STAG1: variants seen among roughly 807,000 people sequenced by gnomAD.
STAG1 encodes cohesin subunit SA-1.
Under a neutral mutation model 170.9 loss-of-function variants are expected in STAG1, and 26 were observed. The ratio of observed to expected loss-of-function variants is 0.15; its 90% CI spans 0.11 to 0.21. The LOEUF (loss-of-function observed/expected upper bound fraction) is 0.21, where lower values mean the gene tolerates loss of function less well. Among genes scored for constraint, STAG1 ranks in the 10% least tolerant of loss-of-function variants. The probability of loss-of-function intolerance (pLI) is 1.00; values close to 1 mark genes in which losing one functional copy is unlikely to be tolerated. For missense variants in STAG1, 964 were observed against 1,509.5 expected (o/e 0.64, Z 5.99); for synonymous variants, 514 against 497.7 (o/e 1.03, Z -0.44).
intron 21 of STAG1, among the ~76,000 whole-genome samples, chr3:136,416,381 T>C (rs893972174): frequency 1.3e-4 from 20 of 152,176 alleles, no homozygotes; most frequent in Admixed American, 1.3e-3. Context: ...AAATAAGACA[T>C]ATGCAATGAA....
intron 23 of STAG1, among the ~76,000 whole-genome samples, chr3:136,376,634 G>A (rs1937618285): frequency 6.6e-6 from 1 of 152,150 alleles, no homozygotes; most frequent in Admixed American, 6.5e-5. Context: ...CAGCTGTTTG[G>A]GCGGGTGGTA....
chr3:136,432,056 A>C (rs559385879), intron 16 of STAG1, among the ~76,000 whole-genome samples: 1 of 152,146 alleles, frequency 6.6e-6, no homozygotes, highest in African/African-American at 2.4e-5. Flanking sequence ...TTCAGTGCAC[A>C]TGATGGTGGT....
At chr3:136,441,111 C>A (rs1337497013) in intron 15 of STAG1, among the ~76,000 whole-genome samples, 1 of 147,570 alleles carries the variant, frequency 6.8e-6, no homozygotes, top group Non-Finnish European at 1.5e-5. Flanking sequence ...CAGCTCACTG[C>A]AATCTCTGCC....
chr3:136,454,090 A>G (rs1280744647), intron 13 of STAG1, among the ~76,000 whole-genome samples: 1 of 152,126 alleles, frequency 6.6e-6, no homozygotes, highest in African/African-American at 2.4e-5. Flanking sequence ...ACTGAAATAT[A>G]CCAATCTATT....
intron 4 of STAG1, among the ~76,000 whole-genome samples, chr3:136,603,086 C>CTA (rs1317685180): frequency 1.3e-5 from 2 of 152,034 alleles, no homozygotes; most frequent in Non-Finnish European, 1.5e-5. Flanking sequence ...AAACACTAAA[C>CTA]ACCCTTAAGG....
rs374146735 is a variant in STAG1, at chr3:136,386,776, C to T, written c.2278-9024G>A. ...TTGTTCCAAAATTTTACATGGCTAG[C>T]GGAGGACCAAATTTAGTTGCGTTTT... On this transcript the variant is annotated intron_variant, in intron 22 of 33. Coordinates refer to ENST00000383202, the MANE Select transcript of STAG1 (RefSeq NM_005862.3). Among the ~76,000 whole-genome samples the T allele has an allele frequency of 1.6e-4, 25 of 151,982 alleles. No individual in the cohort carries two copies. In the East Asian group the frequency reaches 4.8e-3, roughly 29 times the overall value.
chr3:136,498,283 A>AC (rs1491247609), intron 9 of STAG1, among the ~76,000 whole-genome samples: 3 of 91,904 alleles, frequency 3.3e-5, no homozygotes, highest in African/African-American at 1.3e-4. Flanking sequence ...CCACACACAC[A>AC]TACACACACA....
At chr3:136,729,796 C>G (rs955940847) in intron 1 of STAG1, among the ~76,000 whole-genome samples, 1 of 146,952 alleles carries the variant, frequency 6.8e-6, no homozygotes, top group East Asian at 2.1e-4. Flanking sequence ...CCAGGCTAGT[C>G]TTGAACTCCT....
chr3:136,385,473 A>G (rs2086846829), intron 22 of STAG1, among the ~76,000 whole-genome samples: 1 of 152,220 alleles, frequency 6.6e-6, no homozygotes, highest in African/African-American at 2.4e-5. Flanking sequence ...GAGTACCTGC[A>G]GAAAGGAATT....
At chr3:136,488,918 C>T (rs546442598) in intron 9 of STAG1, among the ~76,000 whole-genome samples, 2 of 152,256 alleles carry the variant, frequency 1.3e-5, no homozygotes, top group African/African-American at 4.8e-5. Flanking sequence ...AATAGCCTCA[C>T]CCCATTTAAG....
chr3:136,638,274 C>A (rs1355857241), intron 1 of STAG1, among the ~76,000 whole-genome samples: 1 of 151,980 alleles, frequency 6.6e-6, no homozygotes, highest in South Asian at 2.1e-4. Flanking sequence ...GCTGGGATTA[C>A]AATTACCCAC....
intron 10 of STAG1, 83 bp from the exon 11 acceptor site, chr3:136,473,720 G>C: frequency 1.0e-6 from 1 of 1,001,872 alleles, no homozygotes; most frequent in Non-Finnish European, 1.5e-6. Flanking sequence ...CTAAAATTTA[G>C]CTTAAACATT....
intron 10 of STAG1, among the ~76,000 whole-genome samples, chr3:136,476,875 C>T (rs986750892): frequency 2.4e-4 from 37 of 151,994 alleles, no homozygotes; most frequent in African/African-American, 6.3e-4. Context: ...ATCAAATATT[C>T]TAAAATCCAA....
At chr3:136,347,176 A>G (rs932433006) in intron 29 of STAG1, among the ~76,000 whole-genome samples, 4 of 149,592 alleles carry the variant, frequency 2.7e-5, no homozygotes, top group Non-Finnish European at 4.5e-5. Flanking sequence ...GGGTGGACCT[A>G]CTTGAGGTCA....
intron 16 of STAG1, among the ~76,000 whole-genome samples, chr3:136,432,900 G>T (rs1410694049): frequency 1.3e-5 from 2 of 152,100 alleles, no homozygotes; most frequent in African/African-American, 4.8e-5. Context: ...ATGTGTATTG[G>T]CAAGAAGGCC....
intron 28 of STAG1, among the ~76,000 whole-genome samples, chr3:136,356,525 T>A (rs1224339372): frequency 1.3e-5 from 2 of 150,806 alleles, no homozygotes; most frequent in Non-Finnish European, 3.0e-5. Flanking sequence ...GGACTACAGG[T>A]ACACACCACC....
intron 22 of STAG1, among the ~76,000 whole-genome samples, chr3:136,398,121 AT>A (rs796143474): frequency 1.3e-3 from 172 of 129,816 alleles, no homozygotes; most frequent in Admixed American, 1.4e-3. Flanking sequence ...TAATTTTTGT[AT>A]TTTTTTTTTT....
At chr3:136,497,081 A>G (rs986838023) in intron 9 of STAG1, among the ~76,000 whole-genome samples, 9 of 152,200 alleles carry the variant, frequency 5.9e-5, no homozygotes, top group Non-Finnish European at 1.3e-4. Flanking sequence ...CAACAGCCCT[A>G]TATCTACTGG....
intron 1 of STAG1, among the ~76,000 whole-genome samples, chr3:136,685,160 C>T (rs1335618687): frequency 6.6e-6 from 1 of 151,890 alleles, no homozygotes; most frequent in Admixed American, 6.6e-5. Flanking sequence ...ACTAAAAATA[C>T]AAAAAATTAG....
Sources: allele counts gnomAD v4.1 joint callset (sites outside exome capture counted in the v4.1 genomes callset), GRCh38; gene constraint gnomAD v4.1.1; transcripts MANE v1.5; gene names NCBI Gene and HGNC (gene_info 2026-07-23, HGNC 2026-07-21).